LINGO2: variants seen among roughly 807,000 people sequenced by gnomAD.
The protein encoded by LINGO2 is leucine rich repeat and Ig domain containing 2.
In LINGO2, 14 loss-of-function variants were observed where a neutral mutation model predicts 30.6. That is an observed-to-expected ratio of 0.46 (90% confidence interval 0.30 to 0.72). The LOEUF (loss-of-function observed/expected upper bound fraction) is 0.72. Among genes scored for constraint, LINGO2 ranks in the 30% least tolerant of loss-of-function variants. The pLI, the probability that LINGO2 is intolerant of heterozygous loss-of-function variation, is 0.07. For missense variants in LINGO2, 729 were observed against 751.7 expected, an observed-to-expected ratio of 0.97 and a Z score of 0.35; for synonymous variants, 317 against 288.5, an observed-to-expected ratio of 1.10 and a Z score of -1.00.
chr9:28,787,982 C>T, the LINGO2 span, among the ~76,000 whole-genome samples: 1 of 152,180 alleles, frequency 6.6e-6, no homozygotes, highest in South Asian at 2.1e-4. Flanking sequence ...ACCATCAGTA[C>T]TGCCTCTCAG....
intron 2 of LINGO2, among the ~76,000 whole-genome samples, chr9:28,408,431 C>T (rs1442050372): frequency 6.6e-6 from 1 of 152,046 alleles, no homozygotes; most frequent in Admixed American, 6.6e-5. Flanking sequence ...CATCAGGGAA[C>T]TCAGGACCAG....
In LINGO2 at chr9:28,532,283, C is replaced by T. The variant is rs75648723; in HGVS notation, c.-364-56258G>A. 1.4e-3 allele frequency among the ~76,000 whole-genome samples: 209 copies of T among 152,266 alleles called. 8 individuals carry two copies. The East Asian group carries it at 0.037, about 27-fold the overall frequency. On this transcript the variant is annotated intron_variant, in intron 1 of 5. Coordinates refer to ENST00000379992, the Ensembl canonical transcript of LINGO2. ...TCTAGGAAAGAAAAAAGAGAGGTTT[C>T]ATATCAGCAAATCAGGAGAATATCC...
chr9:28,893,757 A>G, the LINGO2 span, among the ~76,000 whole-genome samples: 3 of 151,330 alleles, frequency 2.0e-5, no homozygotes, highest in Non-Finnish European at 4.4e-5. Context: ...GATTTTTTTT[A>G]ATTATTATTA....
At chr9:28,945,753 C>A in the LINGO2 span, among the ~76,000 whole-genome samples, 2 of 152,056 alleles carry the variant, frequency 1.3e-5, no homozygotes, top group Non-Finnish European at 2.9e-5. Context: ...GAACTGTTGC[C>A]CTAGAGAAGC....
At chr9:28,058,061 A>C (rs1325456385) in intron 4 of LINGO2, among the ~76,000 whole-genome samples, 2 of 152,134 alleles carry the variant, frequency 1.3e-5, no homozygotes, top group Non-Finnish European at 2.9e-5. Context: ...CATTTGCCTG[A>C]CATTTAGTAA....
At chr9:29,000,835 A>G in the LINGO2 span, among the ~76,000 whole-genome samples, 1 of 151,996 alleles carries the variant, frequency 6.6e-6, no homozygotes, top group Non-Finnish European at 1.5e-5. Context: ...AGGTTGAGGA[A>G]TATTCACAGG....
At chr9:28,747,428 G>A in the LINGO2 span, among the ~76,000 whole-genome samples, 8 of 151,972 alleles carry the variant, frequency 5.3e-5, no homozygotes, top group African/African-American at 1.7e-4. Flanking sequence ...CTTCCTGGAC[G>A]TTGGACAAAG....
intron 1 of LINGO2, among the ~76,000 whole-genome samples, chr9:28,650,634 C>G (rs1161781546): frequency 1.3e-5 from 2 of 152,170 alleles, no homozygotes; most frequent in African/African-American, 2.4e-5. Flanking sequence ...TTCCTGCTGA[C>G]ATTTCTATTT....
At chr9:28,779,331 T>C in the LINGO2 span, among the ~76,000 whole-genome samples, 1 of 152,144 alleles carries the variant, frequency 6.6e-6, no homozygotes, top group African/African-American at 2.4e-5. Flanking sequence ...GACTGTTTCC[T>C]CTCAAATTCC....
the LINGO2 span, among the ~76,000 whole-genome samples, chr9:29,008,687 G>A: frequency 2.0e-5 from 3 of 152,098 alleles, no homozygotes; most frequent in Non-Finnish European, 2.9e-5. Flanking sequence ...GCGATGATGA[G>A]CATTTTTTCA....
intron 4 of LINGO2, among the ~76,000 whole-genome samples, chr9:28,142,157 C>CTTTTTTTTTTT (rs3064726): frequency 2.2e-5 from 3 of 135,990 alleles, no homozygotes; most frequent in Non-Finnish European, 4.7e-5. Flanking sequence ...CTTTCTTTGT[C>CTTTTTTTTTTT]TTTTTTTTTT....
the LINGO2 span, among the ~76,000 whole-genome samples, chr9:28,889,263 G>A: frequency 6.6e-6 from 1 of 152,040 alleles, no homozygotes; most frequent in Non-Finnish European, 1.5e-5. Flanking sequence ...TAATGCCTGA[G>A]TCAAAGTATC....
intron 4 of LINGO2, among the ~76,000 whole-genome samples, chr9:28,043,718 C>G (rs1346184873): frequency 6.6e-6 from 1 of 152,128 alleles, no homozygotes; most frequent in African/African-American, 2.4e-5. Context: ...TACCACCTTT[C>G]TTGTCCCCAC....
At chr9:28,443,341 G>A (rs936356186) in intron 2 of LINGO2, among the ~76,000 whole-genome samples, 1 of 152,238 alleles carries the variant, frequency 6.6e-6, no homozygotes, top group African/African-American at 2.4e-5. Context: ...TGCAGGTGGG[G>A]AGGCATGGCT....
intron 4 of LINGO2, among the ~76,000 whole-genome samples, chr9:28,039,631 T>C (rs748133016): frequency 7.9e-5 from 12 of 152,154 alleles, no homozygotes; most frequent in Non-Finnish European, 4.4e-5. Context: ...TGGGTGGATA[T>C]GCTGTTGACC....
the LINGO2 span, among the ~76,000 whole-genome samples, chr9:29,020,317 A>G: frequency 6.6e-6 from 1 of 152,226 alleles, no homozygotes; most frequent in Non-Finnish European, 1.5e-5. Flanking sequence ...ACTGTTATAC[A>G]TAAGTATGAA....
the LINGO2 span, among the ~76,000 whole-genome samples, chr9:29,077,329 T>G: frequency 6.6e-6 from 1 of 152,060 alleles, no homozygotes; most frequent in Non-Finnish European, 1.5e-5. Flanking sequence ...TTTAAATCTA[T>G]GCTCAAGTGA....
chr9:28,763,543 C>T, the LINGO2 span, among the ~76,000 whole-genome samples: 5 of 151,362 alleles, frequency 3.3e-5, no homozygotes, highest in African/African-American at 4.9e-5. Flanking sequence ...CAGTACTAAG[C>T]GAGAAGTTCA....
the LINGO2 span, among the ~76,000 whole-genome samples, chr9:28,708,648 C>G: frequency 6.6e-6 from 1 of 152,060 alleles, no homozygotes; most frequent in African/African-American, 2.4e-5. Context: ...GCCAGTCTTT[C>G]CAACCACCTA....
Sources: allele counts gnomAD v4.1 joint callset (sites outside exome capture counted in the v4.1 genomes callset), GRCh38; gene constraint gnomAD v4.1.1; transcripts MANE v1.5; gene names NCBI Gene and HGNC (gene_info 2026-07-23, HGNC 2026-07-21).